Variants in TNXB observed in about 807,000 individuals in gnomAD.
TNXB encodes the protein tenascin XB.
A neutral mutation model predicts 340.5 loss-of-function variants in TNXB; 183 were observed. The ratio of observed to expected loss-of-function variants is 0.54; its 90% CI spans 0.48 to 0.61. The LOEUF (loss-of-function observed/expected upper bound fraction) is 0.61, where lower values mean the gene tolerates loss of function less well. Ranked by LOEUF, TNXB falls within the 20% of genes least tolerant of loss-of-function variation. The pLI is 0.00. For missense variants in TNXB, 4,613 were observed against 5,446.4 expected, an observed-to-expected ratio of 0.85 and a Z score of 4.82; for synonymous variants, 2,121 against 2,314.5, an observed-to-expected ratio of 0.92 and a Z score of 2.40.
At position 32,064,746 on chromosome 6, in the gene TNXB, G is replaced by A. The variant is rs1156601685; in HGVS notation, c.6841+75C>T. 2 of 1,538,848 alleles carry A rather than the reference G, an allele frequency of 1.3e-6. No homozygotes were observed. The highest frequency in any genetic ancestry group is 1.9e-5 in the Admixed American group (1 of 52,746). ...TTGGTCTCAGGGAAAGTAAAATAAA[G>A]CCACCAGATACTGACAATAAAAGGG... On this transcript the variant is annotated intron_variant, in intron 19 of 43. Transcript: ENST00000644971. This position sits in a 1 kb window ranked among gnomAD's most constrained non-coding sequence, Gnocchi z 5.3.
Position 32,073,749 on chromosome 6 carries a change from C to T in TNXB, c.4579G>A (p.Val1527Ile), listed in dbSNP as rs1213041181. 6.2e-7 allele frequency: 1 copy of T among 1,612,490 alleles called. No homozygotes were observed. The highest frequency in any genetic ancestry group is 1.1e-5 in the South Asian group (1 of 90,934). The change falls in exon 12 of 44, where the codon GTC becomes ATC. Residue 1527 changes from valine (V) to isoleucine (I), a missense_variant. Val to Ile is a conservative substitution (Grantham distance 29). Transcript: ENST00000644971. The surrounding 1 kb of genome is among the most constrained non-coding windows in gnomAD (Gnocchi z 4.6). ...VVPVAADQREVTVYNLEPERK... is the reference protein window; with the variant it reads ...VVPVAADQREITVYNLEPERK... ...TCAGGCTCCAGGTTGTAGACTGTGA[C>T]CTCTCGCTGGTCTGCCGCCACCGGC... is the stretch of plus-strand genomic sequence containing the variant.
chr6:32,099,984 C>A (rs1780634104), intron 1 of TNXB, among the ~76,000 whole-genome samples: 1 of 149,878 alleles, frequency 6.7e-6, no homozygotes, highest in Non-Finnish European at 1.5e-5. Context: ...TCATTCTCCA[C>A]CTTATGTCTG....
At chr6:32,078,978 A>G in intron 11 of TNXB, 55 bp downstream of exon 11, 1 of 1,550,786 alleles carries the variant, frequency 6.4e-7, no homozygotes, top group Non-Finnish European at 8.7e-7. Flanking sequence ...GGCTACAGGG[A>G]AGCTGGGAGC....
chr6:32,092,144 CCTG>C (rs1416573247), intron 4 of TNXB, among the ~76,000 whole-genome samples: 1 of 152,198 alleles, frequency 6.6e-6, no homozygotes, highest in Non-Finnish European at 1.5e-5. Context: ...ATCAGAATCA[CCTG>C]GAGGGCTTGT....
rs760727300 is a variant in TNXB, at chr6:32,065,098, A to G, written c.6564T>C (p.Pro2188=). The G allele has an allele frequency of 6.3e-7, 1 of 1,583,272 alleles. No homozygotes were observed. The highest frequency in any genetic ancestry group is 2.3e-5 in the East Asian group (1 of 44,092). ...GGCGCAGCTTTGCAAGAGGAGCATC[A>G]GGGGACTCCTCTTCGGGGGCTAGGA... ...VGVTAPEEES[P]DAPLAKLRLG... Residue 2188 remains proline (P), a synonymous_variant, in exon 19 of 44, where the codon CCT becomes CCC. Coordinates refer to ENST00000644971, the MANE Select transcript of TNXB (RefSeq NM_001365276.2).
chr6:32,089,407 G>T lies in TNXB; in HGVS notation c.2359-28C>A, dbSNP rs1478343547. On this transcript the variant is annotated intron_variant, in intron 4 of 43. Transcript: ENST00000644971. This position sits in a 1 kb window ranked among gnomAD's most constrained non-coding sequence, Gnocchi z 6.2. ...GTGAGAGAGAGCACCAGGTGGCTCAGGGGCTGGCACTCTTGCCTCTGCTGC... is the reference window on the plus strand; with the variant it reads ...GTGAGAGAGAGCACCAGGTGGCTCATGGGCTGGCACTCTTGCCTCTGCTGC... 1 of 1,590,100 alleles carries T rather than the reference G, an allele frequency of 6.3e-7. No individual in the cohort carries two copies. The highest frequency in any genetic ancestry group is 1.8e-5 in the Admixed American group (1 of 56,870).
At position 32,047,438 on chromosome 6, in the gene TNXB, C is replaced by T. The variant is rs1018244139; in HGVS notation, c.10324+296G>A. 6.6e-6 allele frequency among the ~76,000 whole-genome samples: 1 copy of T among 152,156 alleles called. No homozygotes were observed. The highest frequency in any genetic ancestry group is 1.5e-5 in the Non-Finnish European group (1 of 68,034). ...TATGCAGGTGAGGACACTGAGGTCCCGGGGATGAAGCGGCTTGTCCATGGT... is the reference window on the plus strand; with the variant it reads ...TATGCAGGTGAGGACACTGAGGTCCTGGGGATGAAGCGGCTTGTCCATGGT... On this transcript the variant is annotated intron_variant, in intron 30 of 43. Transcript: ENST00000644971. The surrounding 1 kb of genome is among the most constrained non-coding windows in gnomAD (Gnocchi z 6.2).
In TNXB at chr6:32,064,239, G is replaced by A. The variant is rs1481105499; in HGVS notation, c.6841+582C>T. ...GCTTGTTTTGTTTTTTTGAGACAGG[G>A]TCTCACTCTGTCACACAGGCTGGAG... On this transcript the variant is annotated intron_variant, in intron 19 of 43. Transcript: ENST00000644971. This position sits in a 1 kb window ranked among gnomAD's most constrained non-coding sequence, Gnocchi z 5.3. 1.3e-5 allele frequency among the ~76,000 whole-genome samples: 2 copies of A among 152,126 alleles called. No individual in the cohort carries two copies. The highest frequency in any genetic ancestry group is 4.8e-5 in the African/African-American group (2 of 41,412).
chr6:32,054,251 G>C (rs1777493588), intron 24 of TNXB, among the ~76,000 whole-genome samples: 1 of 152,004 alleles, frequency 6.6e-6, no homozygotes, highest in African/African-American at 2.4e-5. Context: ...ACTGCCTACT[G>C]GCCTCCCTGC....
In TNXB at chr6:32,067,691, C is replaced by G; in HGVS notation, c.6514G>C (p.Val2172Leu). Reference sequence around the variant, plus strand: ...ACGCCCACAGCAGACACTGGGCCCACGCGCCGCCCCTCGTGGAGGCCGTAC... The same window carrying G: ...ACGCCCACAGCAGACACTGGGCCCAGGCGCCGCCCCTCGTGGAGGCCGTAC... ...HLYGLHEGRR[V>L]GPVSAVGVTA... is the part of the protein sequence containing the mutation. The change falls in exon 18 of 44, where the codon GTG becomes CTG. Residue 2172 changes from valine to leucine, a missense_variant. Val to Leu is a conservative substitution (Grantham distance 32). Around this residue, in one of 7 missense-constraint regions of TNXB, gnomAD observed 4,327 missense variants for 4,859.4 expected, o/e 0.89. Coordinates refer to ENST00000644971, the MANE Select transcript of TNXB (RefSeq NM_001365276.2). This position sits in a 1 kb window ranked among gnomAD's most constrained non-coding sequence, Gnocchi z 4.2. 3 of 1,613,714 alleles carry G rather than the reference C, an allele frequency of 1.9e-6. No individual in the cohort carries two copies. Among genetic ancestry groups the G allele is most frequent in the South Asian group, 2.2e-5 (2 of 91,072 alleles).
chr6:32,048,455 G>T lies in TNXB; in HGVS notation c.9953C>A (p.Ser3318Ter). Residue 3318 changes from serine to a stop codon, truncating the protein, a stop_gained, in exon 29 of 44, where the codon TCG becomes TAG. Coordinates refer to ENST00000644971, the MANE Select transcript of TNXB (RefSeq NM_001365276.2). LOFTEE classifies it high-confidence loss of function. ...GTACTTGCGGGCCGGGTCCAGCCCCGAGACGGCGACCGCTCGGAGGTCTCC... is the reference window on the plus strand; with the variant it reads ...GTACTTGCGGGCCGGGTCCAGCCCCTAGACGGCGACCGCTCGGAGGTCTCC... ...VSGDLRAVAV[S>*]GLDPARKYKF... 6.3e-7 allele frequency: 1 copy of T among 1,589,694 alleles called. No homozygotes were observed. The highest frequency in any genetic ancestry group is 8.6e-7 in the Non-Finnish European group (1 of 1,166,888).
In TNXB at chr6:32,072,348, C is replaced by T. The variant is rs577330745; in HGVS notation, c.4682-50G>A. The T allele has an allele frequency of 1.3e-6, 2 of 1,507,490 alleles. No homozygotes were observed. The highest frequency in any genetic ancestry group is 1.4e-5 in the African/African-American group (1 of 72,758). 93.4% of individuals were successfully genotyped at this position (1,507,490 alleles called of 1,614,324 possible). ...ATGGTTGAGATCTCTGAGGGGAGAA[C>T]CCCTGGGCTTTGAGGGCCTCAGGGG... On this transcript the variant is annotated intron_variant, in intron 12 of 43. Coordinates refer to ENST00000644971, the MANE Select transcript of TNXB (RefSeq NM_001365276.2). The surrounding 1 kb of genome is among the most constrained non-coding windows in gnomAD (Gnocchi z 4.4).
chr6:32,067,946 T>C lies in TNXB; in HGVS notation c.6259A>G (p.Met2087Val). The change falls in exon 18 of 44, where the codon ATG (methionine) becomes GTG (valine). Residue 2087 changes from methionine (M) to valine (V), a missense_variant. By Grantham distance (21) the Met-to-Val change is conservative (BLOSUM62 1). Transcript: ENST00000644971. This position sits in a 1 kb window ranked among gnomAD's most constrained non-coding sequence, Gnocchi z 4.2. ...EETPSPTEPS[M>V]EAPEPAEEPL... ...TCCTCAGCGGGCTCCGGGGCCTCCA[T>C]GCTGGGTTCTGTGGGGCTGGGGGTC... is the stretch of plus-strand genomic sequence containing the variant. 6.2e-7 allele frequency: 1 copy of C among 1,612,382 alleles called. No homozygotes were observed. Among genetic ancestry groups the C allele is most frequent in the Non-Finnish European group, 8.5e-7 (1 of 1,179,820 alleles).
In TNXB at chr6:32,069,241, C is replaced by A; in HGVS notation, c.5588-105G>T. The A allele has an allele frequency of 1.0e-5, 12 of 1,170,516 alleles. No individual in the cohort carries two copies. Among genetic ancestry groups the A allele is most frequent in the Non-Finnish European group, 1.3e-5 (11 of 850,086 alleles). The allele number at this position is 1,170,516 out of a possible 1,614,324, so 72.5% of individuals were successfully genotyped here. ...GGAGTGAGGGCAAGCAGTCAGCAAT[C>A]GAAAGACCAGCTTTTGCTGCACATG... On this transcript the variant is annotated intron_variant, in intron 15 of 43. Coordinates refer to ENST00000644971, the MANE Select transcript of TNXB (RefSeq NM_001365276.2). This position sits in a 1 kb window ranked among gnomAD's most constrained non-coding sequence, Gnocchi z 6.2.
rs745585243 is a variant in TNXB, at chr6:32,056,046, T to C, written c.8272A>G (p.Ile2758Val). The change falls in exon 24 of 44, where the codon ATC becomes GTC. Residue 2758 changes from isoleucine to valine, a missense_variant. Around this residue, in one of 7 missense-constraint regions of TNXB, gnomAD observed 4,327 missense variants for 4,859.4 expected, o/e 0.89. Coordinates refer to ENST00000644971, the MANE Select transcript of TNXB (RefSeq NM_001365276.2). The stretch of plus-strand genomic sequence containing the variant: ...AAGGAGTCGAAGTGGCCCTGGGGGA[T>C]GGTCCAGGAGAGGCTCAGCGAGTCA... ...SPDSLSLSWT[I>V]PQGHFDSFTV... is the part of the protein sequence containing the mutation. The C allele has an allele frequency of 1.2e-5, 20 of 1,612,896 alleles. No individual in the cohort carries two copies. Among genetic ancestry groups the C allele is most frequent in the Middle Eastern group, 1.7e-4 (1 of 6,032 alleles).
In TNXB at chr6:32,069,697, C is replaced by T. The variant is rs748727801; in HGVS notation, c.5443G>A (p.Gly1815Arg). 2.5e-6 allele frequency: 4 copies of T among 1,613,046 alleles called. No individual in the cohort carries two copies. The highest frequency in any genetic ancestry group is 1.3e-5 in the African/African-American group (1 of 74,980). The change falls in exon 15 of 44, where the codon GGG becomes AGG. Residue 1815 changes from glycine (G) to arginine (R), a missense_variant. Physicochemically the swap from Gly to Arg is moderately radical, Grantham distance 125. Coordinates refer to ENST00000644971, the MANE Select transcript of TNXB (RefSeq NM_001365276.2). This position sits in a 1 kb window ranked among gnomAD's most constrained non-coding sequence, Gnocchi z 6.2. ...SFVVQYKDRD[G>R]QPQVVPVEGS... ...TCCACGGGCACCACCTGGGGCTGCC[C>T]GTCCCTGTCTTTGTACTGGACCACA...
rs1228107210 is a variant in TNXB, at chr6:32,095,032, T to A, written c.2358+44A>T. On this transcript the variant is annotated intron_variant, in intron 4 of 43. Coordinates refer to ENST00000644971, the MANE Select transcript of TNXB (RefSeq NM_001365276.2). ...CCAGGAGGTGAGCCCTGCCCCCCTG[T>A]CCTGCCCACTCAGTCCCCTCCTGGA... The A allele has an allele frequency of 2.0e-6, 3 of 1,490,988 alleles. No homozygotes were observed. The South Asian group carries it at 3.7e-5, about 18-fold the overall frequency. 92.4% of individuals were successfully genotyped at this position (1,490,988 alleles called of 1,614,324 possible). A position where few individuals can be genotyped will look rare whatever the true frequency, so the allele number is the denominator to read the frequency against.
chr6:32,053,761 C>T, intron 24 of TNXB, 50 bp from the exon 25 acceptor site: 2 of 1,582,466 alleles, frequency 1.3e-6, no homozygotes, highest in Non-Finnish European at 1.7e-6. Flanking sequence ...CTCAGTTCAG[C>T]ATAGAAAGGA....
intron 39 of TNXB, 24 bp downstream of exon 39, chr6:32,042,675 C>T (rs1186889803): frequency 7.6e-7 from 1 of 1,317,946 alleles, no homozygotes; most frequent in African/African-American, 1.7e-5. Flanking sequence ...CAGCCCCCGG[C>T]CCCGGGCCCG....
Sources: gnomAD v4.1 joint callset for allele counts (sites outside exome capture counted in the v4.1 genomes callset) on GRCh38, gnomAD v4.1.1 for gene constraint, gnomAD v4.1.1 regional missense constraint, Gnocchi (gnomAD v3.1) non-coding constraint, MANE v1.5 for transcripts, NCBI Gene and HGNC (gene_info 2026-07-23, HGNC 2026-07-21) for gene names.